Variants in MAP3K7 observed in about 807,000 individuals in gnomAD.
MAP3K7 encodes mitogen-activated protein kinase kinase kinase 7.
A neutral mutation model predicts 84.8 loss-of-function variants in MAP3K7; 21 were observed. The ratio of observed to expected loss-of-function variants is 0.25; its 90% CI spans 0.18 to 0.36. The LOEUF is 0.36. Among genes scored for constraint, MAP3K7 ranks in the 10% least tolerant of loss-of-function variants. MAP3K7 has a pLI of 1.00. For missense variants in MAP3K7, 503 were observed against 747.7 expected, an observed-to-expected ratio of 0.67 and a Z score of 3.82; for synonymous variants, 241 against 247.7, an observed-to-expected ratio of 0.97 and a Z score of 0.25.
At chr6:90,582,262 A>T (rs1777296604) in intron 1 of MAP3K7, among the ~76,000 whole-genome samples, 1 of 152,228 alleles carries the variant, frequency 6.6e-6, no homozygotes, top group Admixed American at 6.5e-5. Context: ...GCCTTAGCCA[A>T]ATCGCATAAC....
rs1256710396 is a variant in MAP3K7 at position 90,527,920 on chromosome 6, C to A, written c.1357-4137G>T. ...TTGAGACGGAGTCTCGCTCTGTCGC[C>A]CAGGCTGGAGTGCAGTGGCGCGATC... is the stretch of plus-strand genomic sequence containing the variant. On this transcript the variant is annotated intron_variant, in intron 13 of 16. Coordinates refer to ENST00000369329, the MANE Select transcript of MAP3K7 (RefSeq NM_145331.3). 2.5e-4 allele frequency among the ~76,000 whole-genome samples: 3 copies of A among 12,124 alleles called. 1 individual carries two copies. The highest frequency in any genetic ancestry group is 5.7e-4 in the Admixed American group (1 of 1,766). 8.0% of individuals were successfully genotyped at this position (12,124 alleles called of 152,430 possible).
chr6:90,546,541 A>G lies in MAP3K7; in HGVS notation c.1210+717T>C, dbSNP rs555832783. Among the ~76,000 whole-genome samples, 56 of 152,298 alleles carry G rather than the reference A, an allele frequency of 3.7e-4. No individual in the cohort carries two copies. The South Asian group carries it at 0.011, about 30-fold the overall frequency. ...TCAGCTCCCCCTGATCCCTGGAAAG[A>G]ATCAGCAAAAAACCAAAAACGTCCA... On this transcript the variant is annotated intron_variant, in intron 11 of 16. Transcript: ENST00000369329.
intron 12 of MAP3K7, among the ~76,000 whole-genome samples, chr6:90,541,858 A>C (rs1391655507): frequency 6.6e-6 from 1 of 152,044 alleles, no homozygotes; most frequent in Non-Finnish European, 1.5e-5. Flanking sequence ...ATATATATAC[A>C]AAACCTTTTT....
rs1244667981 is a variant in MAP3K7 at position 90,587,030 on chromosome 6, G to T, written c.-147C>A. On this transcript the variant is annotated 5_prime_UTR_variant, in exon 1 of 17. Coordinates refer to ENST00000369329, the MANE Select transcript of MAP3K7 (RefSeq NM_145331.3). ...GATCCGTGGCGGGGGTAGAGGCAGC[G>T]GCCACAGCCGTGTCCGGCTCTGGCT... 2.1e-6 allele frequency: 2 copies of T among 955,606 alleles called. No individual in the cohort carries two copies. Among genetic ancestry groups the T allele is most frequent in the Non-Finnish European group, 2.9e-6 (2 of 695,896 alleles). 59.2% of individuals were successfully genotyped at this position (955,606 alleles called of 1,614,324 possible).
chr6:90,560,922 T>TATCAAATTGTAATACAAA (rs1294558838), intron 4 of MAP3K7, among the ~76,000 whole-genome samples: 13 of 152,140 alleles, frequency 8.5e-5, no homozygotes, highest in Non-Finnish European at 1.8e-4. Flanking sequence ...ATCAAGATGT[T>TATCAAATTGTAATACAAA]TGCACCTGTA....
chr6:90,582,841 A>T (rs1777320476), intron 1 of MAP3K7, among the ~76,000 whole-genome samples: 3 of 151,060 alleles, frequency 2.0e-5, no homozygotes, highest in Non-Finnish European at 4.4e-5. Context: ...ATACTAAGTC[A>T]GACATTTTAA....
chr6:90,586,666 A>C, intron 1 of MAP3K7, 98 bp downstream of exon 1: 7 of 1,468,354 alleles, frequency 4.8e-6, no homozygotes, highest in East Asian at 2.6e-5. Flanking sequence ...GGTCCCGCGA[A>C]TTAGAGGGGC....
intron 13 of MAP3K7, among the ~76,000 whole-genome samples, chr6:90,534,411 G>C (rs1775600590): frequency 1.3e-5 from 2 of 152,130 alleles, no homozygotes; most frequent in Non-Finnish European, 2.9e-5. Context: ...AATTTTGAAA[G>C]AGTGGATCAG....
intron 2 of MAP3K7, among the ~76,000 whole-genome samples, chr6:90,570,213 C>A (rs965206393): frequency 6.6e-6 from 1 of 152,092 alleles, no homozygotes; most frequent in Non-Finnish European, 1.5e-5. Context: ...GCAAAGTGCA[C>A]AAACAGCATA....
At chr6:90,519,441 AGC>A in intron 14 of MAP3K7, 122 bp from the exon 15 acceptor site, 1 of 651,196 alleles carries the variant, frequency 1.5e-6, no homozygotes, top group Non-Finnish European at 2.7e-6. Flanking sequence ...TAAAAGTTAC[AGC>A]TATTGGTAAT....
At position 90,536,187 on chromosome 6, in the gene MAP3K7, C is replaced by T; in HGVS notation, c.1356+150G>A. On this transcript the variant is annotated intron_variant, in intron 13 of 16. Coordinates refer to ENST00000369329, the MANE Select transcript of MAP3K7 (RefSeq NM_145331.3). ...TTAACAATGGCACCTATGTTTTTTT[C>T]CCCCCTAAGTATTTAAGTTCAGGTG... 3.7e-6 allele frequency: 2 copies of T among 539,164 alleles called. 1 individual carries two copies. The highest frequency in any genetic ancestry group is 5.8e-5 in the South Asian group (2 of 34,402). The allele number at this position is 539,164 out of a possible 1,614,324, so 33.4% of individuals were successfully genotyped here. A position where few individuals can be genotyped will look rare whatever the true frequency, so the allele number is the denominator to read the frequency against.
intron 13 of MAP3K7, among the ~76,000 whole-genome samples, chr6:90,535,622 A>G (rs1285401887): frequency 6.6e-6 from 1 of 152,108 alleles, no homozygotes; most frequent in Non-Finnish European, 1.5e-5. Context: ...TGAGTAACAC[A>G]GAAAAAACAA....
chr6:90,571,340 T>C (rs1776893490), intron 2 of MAP3K7, among the ~76,000 whole-genome samples: 1 of 152,114 alleles, frequency 6.6e-6, no homozygotes, highest in Non-Finnish European at 1.5e-5. Flanking sequence ...AAACATTCCA[T>C]TTAAAGTAAG....
chr6:90,548,301 T>C, intron 9 of MAP3K7, 124 bp from the exon 10 acceptor site: 1 of 835,872 alleles, frequency 1.2e-6, no homozygotes, highest in Non-Finnish European at 1.8e-6. Context: ...ATAAGACTTT[T>C]CAAGCTAATG....
chr6:90,560,641 T>C (rs1173767177), intron 4 of MAP3K7, among the ~76,000 whole-genome samples: 1 of 152,182 alleles, frequency 6.6e-6, no homozygotes, highest in Non-Finnish European at 1.5e-5. Context: ...ATTACAGGAG[T>C]GAGCCACCAT....
At chr6:90,583,158 C>G (rs1777335355) in intron 1 of MAP3K7, among the ~76,000 whole-genome samples, 1 of 152,130 alleles carries the variant, frequency 6.6e-6, no homozygotes, top group Non-Finnish European at 1.5e-5. Context: ...GCTCGGATTA[C>G]AGGTGTGAGC....
At chr6:90,559,788 C>T (rs1057225088) in intron 5 of MAP3K7, among the ~76,000 whole-genome samples, 1 of 152,194 alleles carries the variant, frequency 6.6e-6, no homozygotes, top group Non-Finnish European at 1.5e-5. Flanking sequence ...ACATTATATA[C>T]TGCAGGCACA....
At position 90,514,893 on chromosome 6, in the gene MAP3K7, A is replaced by C. The variant is rs1774908209; in HGVS notation, c.*1608T>G. 1 of 152,048 alleles carries C rather than the reference A, an allele frequency of 6.6e-6. No homozygotes were observed. The highest frequency in any genetic ancestry group is 1.5e-5 in the Non-Finnish European group (1 of 67,950). The allele number at this position is 152,048 out of a possible 1,614,324, so 9.4% of individuals were successfully genotyped here. A position where few individuals can be genotyped will look rare whatever the true frequency, so the allele number is the denominator to read the frequency against. Reference sequence around the variant, plus strand: ...TCCTTTTATTTAAATTAAATGACAGAAGACATTTATTTCCAGGAAGCTTTC... The same window carrying C: ...TCCTTTTATTTAAATTAAATGACAGCAGACATTTATTTCCAGGAAGCTTTC... On this transcript the variant is annotated 3_prime_UTR_variant, in exon 17 of 17. Coordinates refer to ENST00000369329, the MANE Select transcript of MAP3K7 (RefSeq NM_145331.3).
intron 5 of MAP3K7, among the ~76,000 whole-genome samples, chr6:90,557,923 T>C (rs756411682): frequency 7.2e-5 from 11 of 152,216 alleles, no homozygotes; most frequent in Non-Finnish European, 1.5e-4. Context: ...CACAACTTGA[T>C]AGTGTATAAA....
Sources: allele counts gnomAD v4.1 joint callset (sites outside exome capture counted in the v4.1 genomes callset), GRCh38; gene constraint gnomAD v4.1.1; transcripts MANE v1.5; gene names NCBI Gene and HGNC (gene_info 2026-07-23, HGNC 2026-07-21).